PEAK1: variants seen among roughly 807,000 people sequenced by gnomAD.
The protein encoded by PEAK1 is inactive tyrosine-protein kinase PEAK1.
Under a neutral mutation model 124.7 loss-of-function variants are expected in PEAK1, and 54 were observed. The observed-to-expected ratio is 0.43, with a 90% CI of 0.35 to 0.54. The LOEUF (loss-of-function observed/expected upper bound fraction) is 0.54. PEAK1 is among the 20% of genes least tolerant of loss of function. The pLI is 0.01. For synonymous variants in PEAK1, 719 were observed against 760.0 expected (o/e 0.95, Z 0.89); for missense variants, 2,046 against 2,134.5 (o/e 0.96, Z 0.82).
intron 1 of PEAK1, among the ~76,000 whole-genome samples, chr15:77,413,812 T>C (rs998259902): frequency 2.0e-5 from 3 of 152,172 alleles, no homozygotes; most frequent in Admixed American, 2.0e-4. Context: ...GTGAAGAGTA[T>C]ATAGCAGCAG....
At chr15:77,148,562 T>C (rs2054339106) in intron 8 of PEAK1, among the ~76,000 whole-genome samples, 1 of 152,158 alleles carries the variant, frequency 6.6e-6, no homozygotes, top group Admixed American at 6.5e-5. Flanking sequence ...TTTAAGCCAT[T>C]TAGTAAGCAT....
chr15:77,137,979 C>T (rs770300902), intron 8 of PEAK1, among the ~76,000 whole-genome samples: 3 of 152,138 alleles, frequency 2.0e-5, no homozygotes, highest in Non-Finnish European at 4.4e-5. Context: ...GTAAGTCTCA[C>T]AAGATCTGAC....
chr15:77,381,076 AT>A (rs2069437620), intron 1 of PEAK1, among the ~76,000 whole-genome samples: 1 of 152,238 alleles, frequency 6.6e-6, no homozygotes, highest in African/African-American at 2.4e-5. Context: ...TTCACAGAGA[AT>A]ATCCCAGAGG....
At chr15:77,392,119 T>G (rs1000173437) in intron 1 of PEAK1, among the ~76,000 whole-genome samples, 1 of 152,212 alleles carries the variant, frequency 6.6e-6, no homozygotes, top group African/African-American at 2.4e-5. Context: ...TGTAGTTCAT[T>G]CATTTTTGCA....
intron 1 of PEAK1, among the ~76,000 whole-genome samples, chr15:77,392,445 C>G (rs1230582169): frequency 6.6e-6 from 1 of 152,164 alleles, no homozygotes; most frequent in Non-Finnish European, 1.5e-5. Context: ...CTCAGAATTA[C>G]AGAGGTATTA....
chr15:77,329,786 T>A (rs2065791681), intron 2 of PEAK1, among the ~76,000 whole-genome samples: 1 of 152,182 alleles, frequency 6.6e-6, no homozygotes, highest in South Asian at 2.1e-4. Context: ...TTGTTCCTTA[T>A]GGCATTGAAT....
intron 2 of PEAK1, chr15:77,338,208 T>C (rs1269482356): frequency 4.6e-5 from 33 of 723,452 alleles, no homozygotes; most frequent in Non-Finnish European, 3.4e-6. Context: ...ATGGTTCAGA[T>C]TTAATTTAGG....
At chr15:77,330,894 G>A (rs1164996967) in intron 2 of PEAK1, 3 of 343,756 alleles carry the variant, frequency 8.7e-6, no homozygotes, top group African/African-American at 6.7e-5. Flanking sequence ...GACCTGTTTT[G>A]TTTTTTCCTC....
In PEAK1 at chr15:77,158,487, G is replaced by A; in HGVS notation, c.3331+16C>T. 1 of 1,607,172 alleles carries A rather than the reference G, an allele frequency of 6.2e-7. No homozygotes were observed. On this transcript the variant is annotated intron_variant, in intron 8 of 9. Coordinates refer to ENST00000682557, the MANE Select transcript of PEAK1 (RefSeq NM_001385026.1). The stretch of plus-strand genomic sequence containing the variant: ...AGGCAAAGTTTAAATACTACTTATT[G>A]GACATTTGCACTTACCTAAGTTGCT...
chr15:77,253,417 T>TA (rs2060977477), intron 5 of PEAK1, among the ~76,000 whole-genome samples: 1 of 152,216 alleles, frequency 6.6e-6, no homozygotes, highest in South Asian at 2.1e-4. Flanking sequence ...AGCTTTCTTT[T>TA]AAAGAAAGTG....
intron 7 of PEAK1, among the ~76,000 whole-genome samples, chr15:77,172,355 A>T (rs1157940720): frequency 6.6e-6 from 1 of 152,238 alleles, no homozygotes; most frequent in African/African-American, 2.4e-5. Flanking sequence ...CATCAGAAGA[A>T]TGTTTAAGTA....
chr15:77,155,059 G>A (rs1443902468), intron 8 of PEAK1: 1 of 152,164 alleles, frequency 6.6e-6, no homozygotes, highest in Non-Finnish European at 1.5e-5. Context: ...ACTTCTCCTG[G>A]ATAATATCCT....
At chr15:77,122,194 G>A (rs1444280379) in intron 9 of PEAK1, among the ~76,000 whole-genome samples, 1 of 152,202 alleles carries the variant, frequency 6.6e-6, no homozygotes, top group African/African-American at 2.4e-5. Context: ...GTAGGAATCT[G>A]CTATGAGAAC....
intron 9 of PEAK1, among the ~76,000 whole-genome samples, chr15:77,116,094 T>A (rs2051343415): frequency 6.6e-6 from 1 of 152,120 alleles, no homozygotes; most frequent in South Asian, 2.1e-4. Context: ...CAAGGAAGAA[T>A]TTTTTGATCA....
At chr15:77,350,122 G>T in intron 2 of PEAK1, 6 of 985,370 alleles carry the variant, frequency 6.1e-6, no homozygotes, top group Non-Finnish European at 7.2e-6. Flanking sequence ...TCTGTTCAAA[G>T]CCACTTCGAA....
At chr15:77,264,238 T>C (rs2061596202) in intron 5 of PEAK1, among the ~76,000 whole-genome samples, 1 of 152,006 alleles carries the variant, frequency 6.6e-6, no homozygotes, top group South Asian at 2.1e-4. Context: ...CAACATAGTG[T>C]TGGAAGTTCT....
intron 5 of PEAK1, chr15:77,255,354 T>G (rs2061078320): frequency 2.0e-6 from 2 of 980,876 alleles, no homozygotes; most frequent in East Asian, 2.3e-4. Context: ...GACTCTCCAT[T>G]TATTCCAAGC....
At position 77,143,603 on chromosome 15, in the gene PEAK1, C is replaced by T. The variant is rs149187473; in HGVS notation, c.3332-9853G>A. Among the ~76,000 whole-genome samples the T allele has an allele frequency of 3.6e-3, 544 of 152,282 alleles. 10 individuals are homozygous for T. The highest frequency in any genetic ancestry group is 0.021 in the Admixed American group (320 of 15,292). On this transcript the variant is annotated intron_variant, in intron 8 of 9. Coordinates refer to ENST00000682557, the MANE Select transcript of PEAK1 (RefSeq NM_001385026.1). The stretch of plus-strand genomic sequence containing the variant: ...TCTCCAGCACTCTTGGCCAATTTTA[C>T]GCTTCCTTTGTGCTTTGTGTCTTTG...
intron 2 of PEAK1, among the ~76,000 whole-genome samples, chr15:77,290,617 A>T (rs1353721314): frequency 6.6e-6 from 1 of 150,664 alleles, no homozygotes; most frequent in Non-Finnish European, 1.5e-5. Context: ...TGGCGTGACC[A>T]TGGATCACTG....
Sources: allele counts gnomAD v4.1 joint callset (sites outside exome capture counted in the v4.1 genomes callset), GRCh38; gene constraint gnomAD v4.1.1; transcripts MANE v1.5; gene names NCBI Gene and HGNC (gene_info 2026-07-23, HGNC 2026-07-21).